PCDHGB2: variants seen among roughly 807,000 people sequenced by gnomAD.
PCDHGB2 encodes the protein protocadherin gamma subfamily B, 2, also known as protocadherin gamma-B2.
A neutral mutation model predicts 59.3 loss-of-function variants in PCDHGB2; 55 were observed. The observed-to-expected ratio is 0.93, with a 90% CI of 0.75 to 1.16. The LOEUF is 1.16. Ranked by LOEUF, PCDHGB2 falls within the 50% of genes most tolerant of loss-of-function variation. The pLI, the probability that PCDHGB2 is intolerant of heterozygous loss-of-function variation, is 0.00. For missense variants in PCDHGB2, 1,228 were observed against 1,198.5 expected, an observed-to-expected ratio of 1.02 and a Z score of -0.36; for synonymous variants, 516 against 512.0, an observed-to-expected ratio of 1.01 and a Z score of -0.11.
chr5:141,377,529 G>A (rs1774089651), intron 1 of PCDHGB2: 1 of 151,890 alleles, frequency 6.6e-6, no homozygotes, highest in African/African-American at 2.4e-5. Flanking sequence ...CCAGGGGTAT[G>A]AGGCTGCAGT....
chr5:141,418,363 C>G (rs147423305), intron 1 of PCDHGB2: 1 of 1,613,866 alleles, frequency 6.2e-7, no homozygotes, highest in Non-Finnish European at 8.5e-7. Context: ...ATTCGCTGAG[C>G]AAATACCAAC....
rs747049833 is a variant in PCDHGB2 at position 141,372,558 on chromosome 5, G to T, written c.2421+10002G>T. 2.5e-6 allele frequency: 4 copies of T among 1,614,002 alleles called. No individual in the cohort carries two copies. In the South Asian group the frequency reaches 4.4e-5, roughly 18 times the overall value. ...GCGCCTGCGATGCTCCTCCAGACCC[G>T]CCACTGAGGGCTACTTTCAGCCTGG... On this transcript the variant is annotated intron_variant, in intron 1 of 3. Transcript: ENST00000522605.
intron 1 of PCDHGB2, chr5:141,422,764 G>A: frequency 1.2e-6 from 2 of 1,613,582 alleles, no homozygotes; most frequent in Non-Finnish European, 8.5e-7. Flanking sequence ...CTCCAACACT[G>A]GTGTTCTCTA....
chr5:141,387,726 G>C, intron 1 of PCDHGB2: 7 of 1,198,740 alleles, frequency 5.8e-6, no homozygotes, highest in Non-Finnish European at 8.0e-6. Context: ...ACTCCCCAGC[G>C]CCAGCCTTTA....
chr5:141,370,915 C>T, intron 1 of PCDHGB2: 1 of 1,614,006 alleles, frequency 6.2e-7, no homozygotes, highest in Non-Finnish European at 8.5e-7. Context: ...TACCTCAGCC[C>T]TGATCCGCAC....
At chr5:141,374,857 C>T in intron 1 of PCDHGB2, 1 of 1,613,768 alleles carries the variant, frequency 6.2e-7, no homozygotes, top group East Asian at 2.2e-5. Context: ...TGCCAGTAGG[C>T]ACACCAGTGT....
At chr5:141,422,705 C>T (rs371027437) in intron 1 of PCDHGB2, 2 of 1,602,706 alleles carry the variant, frequency 1.2e-6, no homozygotes, top group South Asian at 1.1e-5. Context: ...TACTCTCTGA[C>T]GGATGACACT....
At position 141,508,878 on chromosome 5, in the gene PCDHGB2, C is replaced by A. The variant is rs189735747; in HGVS notation, c.2570-2069C>A. The stretch of plus-strand genomic sequence containing the variant: ...GGCTGGGAAAGGCTGAAGAGGCTGA[C>A]GGCTGGAGGGGAGGGGGCGGGGCGG... On this transcript the variant is annotated intron_variant, in intron 3 of 3. Transcript: ENST00000522605. Among the ~76,000 whole-genome samples, 561 of 152,074 alleles carry A rather than the reference C, an allele frequency of 3.7e-3. 3 individuals carry two copies. The highest frequency in any genetic ancestry group is 0.012 in the African/African-American group (508 of 41,498).
Position 141,491,287 on chromosome 5 carries a change from C to T in PCDHGB2, c.2422-3520C>T, listed in dbSNP as rs1562145447. 2 of 1,614,030 alleles carry T rather than the reference C, an allele frequency of 1.2e-6. No homozygotes were observed. Among genetic ancestry groups the T allele is most frequent in the Admixed American group, 1.7e-5 (1 of 60,032 alleles). On this transcript the variant is annotated intron_variant, in intron 1 of 3. Coordinates refer to ENST00000522605, the MANE Select transcript of PCDHGB2 (RefSeq NM_018923.3). The surrounding 1 kb of genome is among the most constrained non-coding windows in gnomAD (Gnocchi z 6.9). ...GCCCAAATCCAGTGACTTCCTCATA[C>T]ACCCTCCTGAGCGTTCAGACCTTAC... is the stretch of plus-strand genomic sequence containing the variant.
intron 1 of PCDHGB2, chr5:141,365,007 C>A (rs776739278): frequency 1.9e-6 from 3 of 1,613,922 alleles, no homozygotes; most frequent in Non-Finnish European, 2.5e-6. Flanking sequence ...TCCGGCACCA[C>A]GCACATCCGT....
At chr5:141,421,461 G>C (rs1216014695) in intron 1 of PCDHGB2, 2 of 1,614,034 alleles carry the variant, frequency 1.2e-6, no homozygotes, top group Non-Finnish European at 8.5e-7. Context: ...TTTTCGCTGT[G>C]AATCCGCGAA....
intron 1 of PCDHGB2, chr5:141,408,349 C>T: frequency 6.2e-7 from 1 of 1,613,924 alleles, no homozygotes; most frequent in Non-Finnish European, 8.5e-7. Context: ...TGGTGGGGAA[C>T]CTCGCTAAGG....
At position 141,485,229 on chromosome 5, in the gene PCDHGB2, TC is replaced by T; in HGVS notation, c.2422-9576del. On this transcript the variant is annotated intron_variant, in intron 1 of 3. Transcript: ENST00000522605. The surrounding 1 kb of genome is among the most constrained non-coding windows in gnomAD (Gnocchi z 5.7). ...ATCTGGCGGTGGGCTACCCTTTTGT[TC>T]CTCTTTTACCACCTGGGTTACGTTT... 6.2e-7 allele frequency: 1 copy of T among 1,614,160 alleles called. No homozygotes were observed. The highest frequency in any genetic ancestry group is 8.5e-7 in the Non-Finnish European group (1 of 1,180,022).
chr5:141,478,372 G>A (rs778468803), intron 1 of PCDHGB2: 2 of 1,613,704 alleles, frequency 1.2e-6, no homozygotes, highest in Non-Finnish European at 8.5e-7. Flanking sequence ...GAGGCCTGAT[G>A]TCGCCGCACC....
At position 141,423,482 on chromosome 5, in the gene PCDHGB2, A is replaced by T. The variant is rs553914622; in HGVS notation, c.2421+60926A>T. On this transcript the variant is annotated intron_variant, in intron 1 of 3. Transcript: ENST00000522605. ...GTGGACGGGGTACAGGCTTTCCTGC[A>T]AACCTATTCCCACGAGGTCTCTCTC... is the stretch of plus-strand genomic sequence containing the variant. 1.1e-5 allele frequency: 17 copies of T among 1,613,968 alleles called. No homozygotes were observed. The African/African-American group carries it at 2.3e-4, about 22-fold the overall frequency.
Position 141,361,065 on chromosome 5 carries a change from G to C in PCDHGB2, c.930G>C (p.Glu310Asp), listed in dbSNP as rs1438252937. Residue 310 changes from glutamate (E) to aspartate (D), a missense_variant, in exon 1 of 4, where the codon GAG (glutamate) becomes GAC (aspartate). Coordinates refer to ENST00000522605, the MANE Select transcript of PCDHGB2 (RefSeq NM_018923.3). ...CGACAAAGGATGATTTGGATTTTGA[G>C]ATTGCAAGTAGTTACACTCTGAGTA... Reference protein sequence around the residue: ...EITTKDDLDFEIASSYTLSIE... With the variant: ...EITTKDDLDFDIASSYTLSIE... 1 of 1,613,774 alleles carries C rather than the reference G, an allele frequency of 6.2e-7. No homozygotes were observed. The highest frequency in any genetic ancestry group is 2.2e-5 in the East Asian group (1 of 44,894).
At chr5:141,415,737 A>G in intron 1 of PCDHGB2, 1 of 574,948 alleles carries the variant, frequency 1.7e-6, no homozygotes, top group Non-Finnish European at 2.5e-6. Flanking sequence ...GATGTTTATT[A>G]AGGTTTTTTT....
At chr5:141,439,202 A>AG (rs1348445707) in intron 1 of PCDHGB2, among the ~76,000 whole-genome samples, 2 of 151,954 alleles carry the variant, frequency 1.3e-5, no homozygotes, top group African/African-American at 4.8e-5. Context: ...AAAAAAAAAA[A>AG]AAATCCATAT....
intron 1 of PCDHGB2, chr5:141,475,974 A>G: frequency 1.0e-6 from 1 of 975,714 alleles, no homozygotes; most frequent in Non-Finnish European, 1.5e-6. Flanking sequence ...GCAGAGACTG[A>G]ACAGCCGGCG....
Sources: allele counts gnomAD v4.1 joint callset (sites outside exome capture counted in the v4.1 genomes callset), GRCh38; gene constraint gnomAD v4.1.1; non-coding constraint Gnocchi (gnomAD v3.1); transcripts MANE v1.5; gene names NCBI Gene and HGNC (gene_info 2026-07-23, HGNC 2026-07-21).